AHNAK: variants seen among roughly 807,000 people sequenced by gnomAD.
AHNAK encodes AHNAK nucleoprotein.
A neutral mutation model predicts 37.8 loss-of-function variants in AHNAK; 23 were observed. That is an observed-to-expected ratio of 0.61 (90% confidence interval 0.44 to 0.86). The LOEUF (loss-of-function observed/expected upper bound fraction) is 0.86. AHNAK is among the 40% of genes least tolerant of loss of function. The probability of loss-of-function intolerance (pLI) is 0.00; values close to 1 mark genes in which losing one functional copy is unlikely to be tolerated. For missense variants in AHNAK, 7,411 were observed against 7,319.4 expected, an observed-to-expected ratio of 1.01 and a Z score of -0.46; for synonymous variants, 2,481 against 2,636.3, an observed-to-expected ratio of 0.94 and a Z score of 1.80.
intron 4 of AHNAK, among the ~76,000 whole-genome samples, chr11:62,494,219 G>A (rs1471769623): frequency 6.6e-6 from 1 of 151,966 alleles, no homozygotes; most frequent in East Asian, 1.9e-4. Context: ...ATAATAATCA[G>A]ATATAAATTA....
At chr11:62,468,000 C>T (rs1441259944) in intron 5 of AHNAK, among the ~76,000 whole-genome samples, 2 of 152,146 alleles carry the variant, frequency 1.3e-5, no homozygotes, top group Non-Finnish European at 2.9e-5. Context: ...CACAAGGTCC[C>T]TGTCCTCTAG....
intron 5 of AHNAK, among the ~76,000 whole-genome samples, chr11:62,444,562 G>A (rs568972465): frequency 6.6e-6 from 1 of 152,392 alleles, no homozygotes; most frequent in Admixed American, 6.5e-5. Context: ...TGTCCGCGCC[G>A]TGGGGAAGCG....
downstream of AHNAK, among the ~76,000 whole-genome samples, chr11:62,515,563 G>A (rs1939994257): frequency 6.6e-6 from 1 of 152,236 alleles, no homozygotes; most frequent in African/African-American, 2.4e-5. Flanking sequence ...TTCACAAGCA[G>A]AGCCCTTTCG....
In AHNAK at chr11:62,524,435, C is replaced by G. The variant is rs754013307; in HGVS notation, c.9982G>C (p.Asp3328His). 1 of 1,613,606 alleles carries G rather than the reference C, an allele frequency of 6.2e-7. No homozygotes were observed. The highest frequency in any genetic ancestry group is 8.5e-7 in the Non-Finnish European group (1 of 1,179,874). Residue 3328 changes from aspartate to histidine, a missense_variant, in exon 5 of 5, where the codon GAT (aspartate) becomes CAT (histidine). Physicochemically the swap from Asp to His is moderately conservative, Grantham distance 81 (BLOSUM62 -1). Transcript: ENST00000378024. ...LEGDIKAPSL[D>H]IKGPEVDVSG... Reference sequence around the variant, plus strand: ...ACGTCCACTTCTGGGCCCTTTATATCCAAACTGGGAGCTTTAATGTCACCT... The same window carrying G: ...ACGTCCACTTCTGGGCCCTTTATATGCAAACTGGGAGCTTTAATGTCACCT...
At position 62,517,313 on chromosome 11, in the gene AHNAK, C is replaced by G; in HGVS notation, c.17104G>C (p.Glu5702Gln). 1 of 1,614,204 alleles carries G rather than the reference C, an allele frequency of 6.2e-7. No homozygotes were observed. The highest frequency in any genetic ancestry group is 1.1e-5 in the South Asian group (1 of 91,082). ...GACTTTTTCAGTTTGACTTCAGACT[C>G]TTCCCACTCGCCGTCTCCAGCACCA... Reference protein sequence around the residue: ...QAGAGDGEWEESEVKLKKSKI... With the variant: ...QAGAGDGEWEQSEVKLKKSKI... The change falls in exon 5 of 5, where the codon GAG becomes CAG. Residue 5702 changes from glutamate to glutamine, a missense_variant. Physicochemically the swap from Glu to Gln is conservative, Grantham distance 29 (BLOSUM62 2). Transcript: ENST00000378024.
rs376095575 is a variant in AHNAK, at chr11:62,517,037, T to C, written c.17380A>G (p.Thr5794Ala). 26 of 1,614,142 alleles carry C rather than the reference T, an allele frequency of 1.6e-5. No individual in the cohort carries two copies. The African/African-American group carries it at 2.5e-4, about 16-fold the overall frequency. Reference protein sequence around the residue: ...SDEREFSGPSTPTGTLEFEGG... With the variant: ...SDEREFSGPSAPTGTLEFEGG... ...TCAAACTCCAGCGTCCCCGTCGGGG[T>C]GGAAGGTCCAGAGAACTCTCTTTCA... Residue 5794 changes from threonine to alanine, a missense_variant, in exon 5 of 5, where the codon ACC (threonine) becomes GCC (alanine). By Grantham distance (58) the Thr-to-Ala change is moderately conservative. Coordinates refer to ENST00000378024, the MANE Select transcript of AHNAK (RefSeq NM_001620.3).
At chr11:62,452,506 T>C (rs1287831949) in intron 5 of AHNAK, among the ~76,000 whole-genome samples, 1 of 152,156 alleles carries the variant, frequency 6.6e-6, no homozygotes, top group African/African-American at 2.4e-5. Flanking sequence ...TGTGGACGGA[T>C]GGGTGATTGG....
intron 5 of AHNAK, among the ~76,000 whole-genome samples, chr11:62,491,192 C>T (rs911318023): frequency 6.6e-6 from 1 of 152,208 alleles, no homozygotes; most frequent in African/African-American, 2.4e-5. Flanking sequence ...GACCCCTCCA[C>T]GTAGCTCCCT....
In AHNAK at chr11:62,516,547, G is replaced by A. The variant is rs546289863; in HGVS notation, c.*197C>T. 1.4e-6 allele frequency: 2 copies of A among 1,429,508 alleles called. No homozygotes were observed. The highest frequency in any genetic ancestry group is 2.5e-5 in the East Asian group (1 of 40,022). 88.6% of individuals were successfully genotyped at this position (1,429,508 alleles called of 1,614,324 possible). ...TTTGCACATGGGCTGGACGAACTTG[G>A]AACTCTTTACCTATCTGTATAGTTC... On this transcript the variant is annotated 3_prime_UTR_variant, in exon 5 of 5. Coordinates refer to ENST00000378024, the MANE Select transcript of AHNAK (RefSeq NM_001620.3).
downstream of AHNAK, among the ~76,000 whole-genome samples, chr11:62,514,485 G>C (rs1270151590): frequency 2.6e-5 from 4 of 152,152 alleles, no homozygotes; most frequent in Non-Finnish European, 4.4e-5. Context: ...GTGCAGCAGG[G>C]GGTTTCTGTA....
At chr11:62,453,597 GTGTC>G (rs1406092739) in intron 5 of AHNAK, among the ~76,000 whole-genome samples, 4 of 152,090 alleles carry the variant, frequency 2.6e-5, no homozygotes, top group Non-Finnish European at 5.9e-5. Flanking sequence ...CTCCAGTCTG[GTGTC>G]TGTAAGAGCT....
intron 5 of AHNAK, among the ~76,000 whole-genome samples, chr11:62,487,044 A>G: frequency 6.6e-6 from 1 of 152,204 alleles, no homozygotes. Flanking sequence ...TGGTCAGAGA[A>G]GCAAAATGAG....
chr11:62,538,057 G>T (rs1459041054), intron 1 of AHNAK, among the ~76,000 whole-genome samples: 1 of 152,046 alleles, frequency 6.6e-6, no homozygotes. Flanking sequence ...CTCAGAGTCT[G>T]CCTCCAAGCA....
At chr11:62,507,170 G>C (rs1157942218) in intron 4 of AHNAK, among the ~76,000 whole-genome samples, 5 of 151,914 alleles carry the variant, frequency 3.3e-5, no homozygotes. Flanking sequence ...GCTATTAAAA[G>C]CATGGGCTTT....
At chr11:62,463,985 G>A (rs568866755) in intron 5 of AHNAK, among the ~76,000 whole-genome samples, 16 of 151,436 alleles carry the variant, frequency 1.1e-4, no homozygotes, top group African/African-American at 3.9e-4. Context: ...GGCCAGGATG[G>A]TCTCAATCTC....
Position 62,530,287 on chromosome 11 carries a change from T to C in AHNAK, c.4130A>G (p.Asp1377Gly), listed in dbSNP as rs114201858. Reference sequence around the variant, plus strand: ...CACCTTGGGCATCTTCAGGTGCCAATCTGGGCCATGAACATCCACATCTGG... The same window carrying C: ...CACCTTGGGCATCTTCAGGTGCCAACCTGGGCCATGAACATCCACATCTGG... ...SAPDVDVHGP[D>G]WHLKMPKVKM... is the part of the protein sequence containing the mutation. Residue 1377 changes from aspartate to glycine, a missense_variant, in exon 5 of 5, where the codon GAT becomes GGT. Transcript: ENST00000378024. 262 of 1,612,774 alleles carry C rather than the reference T, an allele frequency of 1.6e-4. No homozygotes were observed. The East Asian group carries it at 4.7e-3, about 29-fold the overall frequency.
At position 62,526,200 on chromosome 11, in the gene AHNAK, T is replaced by C; in HGVS notation, c.8217A>G (p.Pro2739=). 1.2e-6 allele frequency: 2 copies of C among 1,613,364 alleles called. No individual in the cohort carries two copies. Among genetic ancestry groups the C allele is most frequent in the Non-Finnish European group, 1.7e-6 (2 of 1,179,790 alleles). Residue 2739 remains proline, a synonymous_variant, in exon 5 of 5, where the codon CCA becomes CCG. Coordinates refer to ENST00000378024, the MANE Select transcript of AHNAK (RefSeq NM_001620.3). ...LPKVEGDLKG[P]EVDIKGPKVD... Reference sequence around the variant, plus strand: ...CTTTTGGGCCCTTGATGTCAACTTCTGGGCCCTTGAGGTCACCTTCCACTT... The same window carrying C: ...CTTTTGGGCCCTTGATGTCAACTTCCGGGCCCTTGAGGTCACCTTCCACTT...
chr11:62,508,760 G>A (rs567522131), intron 4 of AHNAK, among the ~76,000 whole-genome samples: 18 of 152,326 alleles, frequency 1.2e-4, no homozygotes, highest in African/African-American at 2.4e-4. Flanking sequence ...TGGCATTCCC[G>A]GCCCGTGGCA....
At chr11:62,498,400 C>G (rs1474115184) in intron 4 of AHNAK, among the ~76,000 whole-genome samples, 1 of 147,000 alleles carries the variant, frequency 6.8e-6, no homozygotes, top group Non-Finnish European at 1.5e-5. Context: ...TAAGATTACA[C>G]TAAATGTAAT....
Sources: allele counts gnomAD v4.1 joint callset (sites outside exome capture counted in the v4.1 genomes callset), GRCh38; gene constraint gnomAD v4.1.1; transcripts MANE v1.5; gene names NCBI Gene and HGNC (gene_info 2026-07-23, HGNC 2026-07-21).